L3MBTL4: variants seen among roughly 807,000 people sequenced by gnomAD.
L3MBTL4 encodes the protein L3MBTL histone methyl-lysine binding protein 4.
L3MBTL4 carries 70 observed loss-of-function variants against 84.5 expected under a neutral mutation model. The ratio of observed to expected loss-of-function variants is 0.83; its 90% CI spans 0.68 to 1.01. The LOEUF is 1.01. Ranked by LOEUF, L3MBTL4 falls within the 50% of genes least tolerant of loss-of-function variation. L3MBTL4 has a pLI of 0.00. For synonymous variants in L3MBTL4, 274 were observed against 259.8 expected, an observed-to-expected ratio of 1.05 and a Z score of -0.52; for missense variants, 715 against 754.8, an observed-to-expected ratio of 0.95 and a Z score of 0.62.
At chr18:6,011,659 C>T (rs2054746301) in intron 16 of L3MBTL4, among the ~76,000 whole-genome samples, 1 of 152,202 alleles carries the variant, frequency 6.6e-6, no homozygotes, top group South Asian at 2.1e-4. Context: ...ACATATCATA[C>T]CCTTCGGTGC....
chr18:6,369,428 C>T (rs990209433), intron 1 of L3MBTL4, among the ~76,000 whole-genome samples: 13 of 152,136 alleles, frequency 8.5e-5, no homozygotes, highest in Non-Finnish European at 7.3e-5. Flanking sequence ...GACAGCCCCT[C>T]ACCACAAAGA....
chr18:5,957,353 T>C (rs1489086699), intron 18 of L3MBTL4, among the ~76,000 whole-genome samples: 1 of 152,210 alleles, frequency 6.6e-6, no homozygotes, highest in African/African-American at 2.4e-5. Flanking sequence ...ATTATACACT[T>C]TGAATGTATT....
At chr18:6,347,833 T>C (rs1283086860) in intron 1 of L3MBTL4, among the ~76,000 whole-genome samples, 3 of 150,356 alleles carry the variant, frequency 2.0e-5, no homozygotes, top group African/African-American at 4.9e-5. Flanking sequence ...GCAAGAAAAA[T>C]AGAAAAACAA....
At chr18:6,107,899 G>A (rs969448427) in intron 14 of L3MBTL4, among the ~76,000 whole-genome samples, 43 of 152,230 alleles carry the variant, frequency 2.8e-4, no homozygotes, top group African/African-American at 9.9e-4. Context: ...AGGTTTTACC[G>A]AACACCACTT....
chr18:5,993,267 C>A (rs561321482), intron 16 of L3MBTL4, among the ~76,000 whole-genome samples: 15 of 152,282 alleles, frequency 9.9e-5, no homozygotes, highest in South Asian at 2.1e-4. Context: ...GTAACTCTTT[C>A]CAAAGAAATA....
intron 1 of L3MBTL4, among the ~76,000 whole-genome samples, chr18:6,411,457 T>C (rs2055960370): frequency 6.6e-6 from 1 of 152,236 alleles, no homozygotes. Flanking sequence ...TGCACTGATG[T>C]GTTACCACTG....
chr18:6,300,034 G>A (rs1266545813), intron 4 of L3MBTL4, among the ~76,000 whole-genome samples: 1 of 149,142 alleles, frequency 6.7e-6, no homozygotes, highest in Non-Finnish European at 1.5e-5. Flanking sequence ...ACAGTTCTGT[G>A]TGGGGTTTTT....
At chr18:6,347,479 T>C (rs1402521314) in intron 1 of L3MBTL4, among the ~76,000 whole-genome samples, 2 of 151,578 alleles carry the variant, frequency 1.3e-5, no homozygotes, top group Non-Finnish European at 3.0e-5. Flanking sequence ...CTCATCAAGA[T>C]ATAATATATA....
chr18:6,204,980 T>C (rs1171367934), intron 12 of L3MBTL4, among the ~76,000 whole-genome samples: 1 of 152,240 alleles, frequency 6.6e-6, no homozygotes, highest in Non-Finnish European at 1.5e-5. Context: ...TTTACTTTTA[T>C]GTAAAACAAT....
chr18:6,269,937 C>CT (rs1209340823), intron 4 of L3MBTL4, among the ~76,000 whole-genome samples: 2 of 152,186 alleles, frequency 1.3e-5, no homozygotes, highest in African/African-American at 4.8e-5. Context: ...AACTGTCATT[C>CT]TTAAGGATAC....
chr18:5,970,701 G>A (rs1177705185), intron 16 of L3MBTL4, among the ~76,000 whole-genome samples: 1 of 152,216 alleles, frequency 6.6e-6, no homozygotes, highest in Non-Finnish European at 1.5e-5. Context: ...TAAATAAGCA[G>A]TAGGCACATA....
chr18:6,172,931 A>T (rs2044045799), intron 12 of L3MBTL4, among the ~76,000 whole-genome samples: 2 of 152,160 alleles, frequency 1.3e-5, no homozygotes, highest in African/African-American at 4.8e-5. Context: ...TAAACTCCCA[A>T]TATTTTTTCT....
At chr18:6,244,710 A>C in intron 5 of L3MBTL4, 122 bp from the exon 6 acceptor site, 1 of 695,430 alleles carries the variant, frequency 1.4e-6, no homozygotes. Context: ...AGAGAGTAGA[A>C]TGGTGTCTAC....
At chr18:6,152,418 A>G (rs1379703676) in intron 13 of L3MBTL4, among the ~76,000 whole-genome samples, 2 of 152,160 alleles carry the variant, frequency 1.3e-5, no homozygotes, top group East Asian at 3.9e-4. Flanking sequence ...CTTTTTGATA[A>G]CAATCATCCT....
At chr18:6,151,507 C>A (rs1264922929) in intron 13 of L3MBTL4, among the ~76,000 whole-genome samples, 1 of 152,206 alleles carries the variant, frequency 6.6e-6, no homozygotes, top group Non-Finnish European at 1.5e-5. Flanking sequence ...CTTCTCCTGT[C>A]TCAGCCTCTC....
intron 3 of L3MBTL4, among the ~76,000 whole-genome samples, chr18:6,306,394 T>C (rs1323552294): frequency 6.6e-6 from 1 of 152,134 alleles, no homozygotes; most frequent in Non-Finnish European, 1.5e-5. Flanking sequence ...CTAAGACACA[T>C]ACAAAAAACA....
intron 13 of L3MBTL4, among the ~76,000 whole-genome samples, chr18:6,169,318 C>T (rs1019376259): frequency 2.0e-5 from 3 of 152,160 alleles, no homozygotes; most frequent in Non-Finnish European, 4.4e-5. Context: ...ACCCAGCCAT[C>T]CCATTACTGG....
chr18:6,293,019 T>C (rs58189665), intron 4 of L3MBTL4, among the ~76,000 whole-genome samples: 26,288 of 152,126 alleles, frequency 0.17, 2,315 homozygotes, highest in Middle Eastern at 0.22. Flanking sequence ...CTTCTCTTTG[T>C]TCTTCACACA....
intron 14 of L3MBTL4, among the ~76,000 whole-genome samples, chr18:6,118,208 A>AACACACACACACAC (rs60207558): frequency 0.015 from 2,147 of 141,836 alleles, 85 homozygotes; most frequent in African/African-American, 0.054. Context: ...AACACACACA[A>AACACACACACACAC]ACACACACAC....
Sources: gnomAD v4.1 joint callset for allele counts (sites outside exome capture counted in the v4.1 genomes callset) on GRCh38, gnomAD v4.1.1 for gene constraint, MANE v1.5 for transcripts, NCBI Gene and HGNC (gene_info 2026-07-23, HGNC 2026-07-21) for gene names.